Variants in GRID1 observed in about 807,000 individuals in gnomAD.
The protein encoded by GRID1 is glutamate ionotropic receptor delta type subunit 1.
GRID1 carries 28 observed loss-of-function variants against 98.0 expected under a neutral mutation model. That is an observed-to-expected ratio of 0.29 (90% CI 0.21 to 0.39). The LOEUF is 0.39. Among genes scored for constraint, GRID1 ranks in the 10% least tolerant of loss-of-function variants. GRID1 has a pLI of 1.00. For missense variants in GRID1, 1,111 were observed against 1,340.5 expected (o/e 0.83, Z 2.67); for synonymous variants, 553 against 538.5 (o/e 1.03, Z -0.37).
chr10:85,715,715 G>C (rs1382435461), intron 12 of GRID1, among the ~76,000 whole-genome samples: 3 of 152,066 alleles, frequency 2.0e-5, no homozygotes, highest in African/African-American at 7.2e-5. Flanking sequence ...AAGATAACAA[G>C]TGATGATGAG....
intron 13 of GRID1, among the ~76,000 whole-genome samples, chr10:85,637,005 G>A (rs772924172): frequency 2.6e-4 from 39 of 152,058 alleles, no homozygotes; most frequent in Non-Finnish European, 5.3e-4. Flanking sequence ...ATCAAGAAGG[G>A]AATGTTTAAA....
intron 8 of GRID1, among the ~76,000 whole-genome samples, chr10:85,771,815 C>T (rs572076385): frequency 6.6e-6 from 1 of 152,298 alleles, no homozygotes; most frequent in East Asian, 1.9e-4. Context: ...TACCCAGATT[C>T]ATAAAGCAAG....
At chr10:86,259,840 C>A (rs1232156957) in intron 2 of GRID1, among the ~76,000 whole-genome samples, 1 of 152,248 alleles carries the variant, frequency 6.6e-6, no homozygotes, top group African/African-American at 2.4e-5. Context: ...AAATAGTGAT[C>A]AAGAAGTCCC....
At chr10:85,613,127 C>T (rs754592966) in intron 15 of GRID1, 60 of 444,224 alleles carry the variant, frequency 1.4e-4, no homozygotes, top group Non-Finnish European at 2.1e-4. Flanking sequence ...CTCTCTGGCG[C>T]TGCCCACGCT....
chr10:85,754,650 A>G (rs1590217779), intron 8 of GRID1, among the ~76,000 whole-genome samples: 1 of 152,258 alleles, frequency 6.6e-6, no homozygotes, highest in African/African-American at 2.4e-5. Context: ...TACTATGCTC[A>G]GAGATACTCT....
intron 4 of GRID1, among the ~76,000 whole-genome samples, chr10:85,975,373 C>T (rs575405103): frequency 6.6e-6 from 1 of 152,332 alleles, no homozygotes; most frequent in South Asian, 2.1e-4. Context: ...GGCCATCAGT[C>T]GGGCCAGCCT....
At chr10:85,975,204 C>A (rs534970454) in intron 4 of GRID1, among the ~76,000 whole-genome samples, 2 of 152,310 alleles carry the variant, frequency 1.3e-5, no homozygotes, top group African/African-American at 4.8e-5. Flanking sequence ...TAATTACTTC[C>A]CCACATTCAG....
At chr10:85,730,756 T>C (rs1312085348) in intron 8 of GRID1, among the ~76,000 whole-genome samples, 1 of 152,182 alleles carries the variant, frequency 6.6e-6, no homozygotes, top group African/African-American at 2.4e-5. Flanking sequence ...AAAGCCATGA[T>C]GCTCAAACTA....
intron 5 of GRID1, among the ~76,000 whole-genome samples, chr10:85,914,974 T>C (rs1841592562): frequency 6.6e-6 from 1 of 152,102 alleles, no homozygotes; most frequent in Admixed American, 6.5e-5. Flanking sequence ...TTGGGAAAGC[T>C]AGAGTGTGTG....
intron 4 of GRID1, among the ~76,000 whole-genome samples, chr10:86,062,633 C>T (rs1843665153): frequency 6.6e-6 from 1 of 152,164 alleles, no homozygotes; most frequent in South Asian, 2.1e-4. Flanking sequence ...CTGGTGGAGT[C>T]CCCACCATGA....
intron 2 of GRID1, among the ~76,000 whole-genome samples, chr10:86,279,430 A>G (rs1162454706): frequency 6.6e-6 from 1 of 152,228 alleles, no homozygotes; most frequent in African/African-American, 2.4e-5. Context: ...ATAATACATC[A>G]CGACTAAGTA....
intron 2 of GRID1, among the ~76,000 whole-genome samples, chr10:86,325,539 T>C (rs995705936): frequency 1.3e-5 from 2 of 152,204 alleles, no homozygotes; most frequent in African/African-American, 4.8e-5. Context: ...AAAAATTCAT[T>C]GTGCATTAAT....
chr10:85,845,813 C>G (rs533454087), intron 8 of GRID1, among the ~76,000 whole-genome samples: 1 of 152,076 alleles, frequency 6.6e-6, no homozygotes. Context: ...AAACTACATA[C>G]AACAATAATG....
At chr10:86,347,191 T>C (rs553791315) in intron 2 of GRID1, among the ~76,000 whole-genome samples, 1 of 151,498 alleles carries the variant, frequency 6.6e-6, no homozygotes, top group Non-Finnish European at 1.5e-5. Flanking sequence ...CTCCTGGAGC[T>C]CTCCGGAACA....
At chr10:85,933,432 G>A (rs983749986) in intron 4 of GRID1, among the ~76,000 whole-genome samples, 4 of 152,080 alleles carry the variant, frequency 2.6e-5, no homozygotes, top group Admixed American at 6.5e-5. Flanking sequence ...CCAACAGGTA[G>A]TTTTTCAATA....
chr10:85,777,799 G>A (rs1329120798), intron 8 of GRID1, among the ~76,000 whole-genome samples: 1 of 152,164 alleles, frequency 6.6e-6, no homozygotes, highest in African/African-American at 2.4e-5. Context: ...GGGCAAATGA[G>A]GAATGTTGGT....
intron 3 of GRID1, among the ~76,000 whole-genome samples, chr10:86,187,074 T>C (rs1331835297): frequency 6.6e-6 from 1 of 152,152 alleles, no homozygotes; most frequent in East Asian, 1.9e-4. Flanking sequence ...TACCTTATCA[T>C]TTGACCATCC....
intron 2 of GRID1, among the ~76,000 whole-genome samples, chr10:86,354,122 T>TGGACTGAGAAGGAAGAGCGCCATG (rs1157024523): frequency 5.3e-5 from 8 of 152,138 alleles, no homozygotes; most frequent in Non-Finnish European, 1.2e-4. Context: ...GTCTCCACCT[T>TGGACTGAGAAGGAAGAGCGCCATG]GGACTGAGAA....
chr10:86,330,047 A>G (rs554204753), intron 2 of GRID1, among the ~76,000 whole-genome samples: 2 of 151,910 alleles, frequency 1.3e-5, no homozygotes, highest in African/African-American at 4.8e-5. Flanking sequence ...GCCTCCCCAC[A>G]AAGTCCTTCC....
Sources: gnomAD v4.1 joint callset for allele counts (sites outside exome capture counted in the v4.1 genomes callset) on GRCh38, gnomAD v4.1.1 for gene constraint, MANE v1.5 for transcripts, NCBI Gene and HGNC (gene_info 2026-07-23, HGNC 2026-07-21) for gene names.